The following OSBPL8 variants were observed in gnomAD, a reference collection of about 807,000 sequenced individuals.
The protein encoded by OSBPL8 is oxysterol-binding protein-related protein 8.
OSBPL8 carries 59 observed loss-of-function variants against 125.5 expected under a neutral mutation model. The observed-to-expected ratio is 0.47, with a 90% CI of 0.38 to 0.58. OSBPL8 has a LOEUF of 0.58. OSBPL8 is among the 20% of genes least tolerant of loss of function. OSBPL8 has a pLI of 0.00. For missense variants in OSBPL8, 758 were observed against 1,047.8 expected (o/e 0.72, Z 3.82); for synonymous variants, 330 against 338.9 (o/e 0.97, Z 0.29).
intron 2 of OSBPL8, among the ~76,000 whole-genome samples, chr12:76,474,695 C>T (rs895629757): frequency 2.0e-5 from 3 of 152,132 alleles, no homozygotes; most frequent in Admixed American, 6.5e-5. Flanking sequence ...GTTGCCCAGG[C>T]TAGTCTTGAA....
rs189831741 is a variant in OSBPL8, at chr12:76,421,138, A to G, written c.218-10504T>C. On this transcript the variant is annotated intron_variant, in intron 4 of 23. Transcript: ENST00000261183. ...GTGGACTTGTGGCATGAAGGTCAGC[A>G]AACAATATATACTAGCAAGCTTGTT... Among the ~76,000 whole-genome samples the G allele has an allele frequency of 6.6e-5, 10 of 152,178 alleles. No individual in the cohort carries two copies. The East Asian group carries it at 1.5e-3, about 23-fold the overall frequency.
At chr12:76,401,325 T>C (rs1169715476) in intron 6 of OSBPL8, among the ~76,000 whole-genome samples, 2 of 152,192 alleles carry the variant, frequency 1.3e-5, no homozygotes, top group Non-Finnish European at 2.9e-5. Flanking sequence ...TTGAAGAGTA[T>C]TCATGTCTGT....
At chr12:76,458,625 C>A (rs1403064911) in intron 3 of OSBPL8, among the ~76,000 whole-genome samples, 1 of 150,818 alleles carries the variant, frequency 6.6e-6, no homozygotes, top group Non-Finnish European at 1.5e-5. Flanking sequence ...TTCAAGGTTG[C>A]ATGAGTTATG....
In OSBPL8 at chr12:76,447,369, A is replaced by G. The variant is rs1401536632; in HGVS notation, c.217+3482T>C. On this transcript the variant is annotated intron_variant, in intron 4 of 23. Transcript: ENST00000261183. The stretch of plus-strand genomic sequence containing the variant: ...TGTGATGCAGCATGAAGTACTACAC[A>G]CTCCCTACAAAGTATTCTTGCCAAA... Among the ~76,000 whole-genome samples, 9 of 152,130 alleles carry G rather than the reference A, an allele frequency of 5.9e-5. No individual in the cohort carries two copies. The East Asian group carries it at 1.7e-3, about 29-fold the overall frequency.
rs560921143 is a variant in OSBPL8, at chr12:76,394,049, T to A, written c.757+596A>T. ...CAAAAACAAAACAAAACAAAAAAAA[T>A]CAGATAAAAGTAAACTTTGGAAGGT... On this transcript the variant is annotated intron_variant, in intron 9 of 23. Coordinates refer to ENST00000261183, the MANE Select transcript of OSBPL8 (RefSeq NM_020841.5). Among the ~76,000 whole-genome samples the A allele has an allele frequency of 5.9e-3, 901 of 151,900 alleles. 3 individuals are homozygous for A. The highest frequency in any genetic ancestry group is 9.6e-3 in the Non-Finnish European group (652 of 67,904).
chr12:76,437,176 G>A (rs1439705125), intron 4 of OSBPL8, among the ~76,000 whole-genome samples: 1 of 152,082 alleles, frequency 6.6e-6, no homozygotes, highest in African/African-American at 2.4e-5. Flanking sequence ...AAAAACAAAG[G>A]ATTAGAGTTT....
intron 12 of OSBPL8, among the ~76,000 whole-genome samples, chr12:76,388,497 C>T (rs962738929): frequency 2.0e-5 from 3 of 152,114 alleles, no homozygotes; most frequent in Admixed American, 1.3e-4. Flanking sequence ...AGGAATTTGC[C>T]TTACATTCTG....
At chr12:76,397,019 T>C (rs1235925253) in intron 8 of OSBPL8, among the ~76,000 whole-genome samples, 2 of 151,986 alleles carry the variant, frequency 1.3e-5, no homozygotes, top group Non-Finnish European at 1.5e-5. Flanking sequence ...TTCACTATGT[T>C]GCCCAGGCTG....
intron 1 of OSBPL8, among the ~76,000 whole-genome samples, chr12:76,529,606 A>G (rs1490226391): frequency 6.6e-6 from 1 of 152,168 alleles, no homozygotes; most frequent in African/African-American, 2.4e-5. Context: ...GTATCTGAAT[A>G]CATCGTTGAA....
At chr12:76,523,228 T>G (rs764363407) in intron 1 of OSBPL8, among the ~76,000 whole-genome samples, 28 of 152,162 alleles carry the variant, frequency 1.8e-4, no homozygotes, top group Non-Finnish European at 3.7e-4. Flanking sequence ...AAACTTATTT[T>G]TATATTTTTT....
intron 3 of OSBPL8, among the ~76,000 whole-genome samples, chr12:76,453,296 A>G (rs919697040): frequency 3.3e-5 from 5 of 152,182 alleles, no homozygotes; most frequent in African/African-American, 1.2e-4. Context: ...ATATTTTTAT[A>G]AAACATCATA....
At chr12:76,463,523 T>C (rs1430580375) in intron 2 of OSBPL8, among the ~76,000 whole-genome samples, 1 of 152,156 alleles carries the variant, frequency 6.6e-6, no homozygotes, top group Non-Finnish European at 1.5e-5. Context: ...AAAATATAAA[T>C]TATGTATGAG....
At chr12:76,439,607 G>T (rs528441090) in intron 4 of OSBPL8, among the ~76,000 whole-genome samples, 25 of 152,114 alleles carry the variant, frequency 1.6e-4, no homozygotes, top group Non-Finnish European at 3.1e-4. Flanking sequence ...GGCTTGGTAG[G>T]ATTTGTTTGT....
chr12:76,454,963 G>A (rs1437780899), intron 3 of OSBPL8, among the ~76,000 whole-genome samples: 2 of 152,048 alleles, frequency 1.3e-5, no homozygotes, highest in Non-Finnish European at 2.9e-5. Context: ...GGCCGGGCGC[G>A]GTGGCTCAAG....
At chr12:76,462,703 T>C (rs1435123331) in intron 2 of OSBPL8, among the ~76,000 whole-genome samples, 1 of 151,852 alleles carries the variant, frequency 6.6e-6, no homozygotes, top group African/African-American at 2.4e-5. Flanking sequence ...ACAAAAAATA[T>C]TAGGGAAAGG....
chr12:76,396,678 C>T (rs1034530772), intron 8 of OSBPL8, among the ~76,000 whole-genome samples: 5 of 152,196 alleles, frequency 3.3e-5, no homozygotes, highest in Middle Eastern at 3.4e-3. Context: ...TGCTTAAGCA[C>T]GGGAGGTTGA....
chr12:76,456,372 A>G (rs1313820778), intron 3 of OSBPL8, among the ~76,000 whole-genome samples: 1 of 152,190 alleles, frequency 6.6e-6, no homozygotes, highest in Non-Finnish European at 1.5e-5. Context: ...ATGTGTATTT[A>G]GGGACTGGGA....
chr12:76,535,764 A>G (rs778594133), intron 1 of OSBPL8, among the ~76,000 whole-genome samples: 18 of 152,232 alleles, frequency 1.2e-4, no homozygotes, highest in Admixed American at 2.0e-4. Context: ...AGGGCAAAAT[A>G]AACCAGACAA....
intron 2 of OSBPL8, among the ~76,000 whole-genome samples, chr12:76,478,755 A>T (rs1169536602): frequency 2.0e-5 from 3 of 152,232 alleles, no homozygotes; most frequent in African/African-American, 7.2e-5. Flanking sequence ...AGTACTGCTA[A>T]CAAAACTTTC....
Sources: gnomAD v4.1 joint callset for allele counts (sites outside exome capture counted in the v4.1 genomes callset) on GRCh38, gnomAD v4.1.1 for gene constraint, MANE v1.5 for transcripts, NCBI Gene and HGNC (gene_info 2026-07-23, HGNC 2026-07-21) for gene names.